ZNF487: variants seen among roughly 807,000 people sequenced by gnomAD.
ZNF487 encodes zinc finger protein 487, also known as KRAB domain only 1.
Under a neutral mutation model 3.0 loss-of-function variants are expected in ZNF487, and 4 were observed. The observed-to-expected ratio is 1.35, with a 90% confidence interval of 0.66 to 3.08. The LOEUF (loss-of-function observed/expected upper bound fraction) is 3.08. Ranked by LOEUF, ZNF487 falls within the 30% of genes most tolerant of loss-of-function variation. The pLI is 0.01. For missense variants in ZNF487, 146 were observed against 98.7 expected, an observed-to-expected ratio of 1.48 and a Z score of -2.03; for synonymous variants, 55 against 34.6, an observed-to-expected ratio of 1.59 and a Z score of -2.06.
chr10:43,460,697 C>T (rs1479776307), intron 1 of ZNF487, among the ~76,000 whole-genome samples: 3 of 141,624 alleles, frequency 2.1e-5, no homozygotes, highest in Non-Finnish European at 4.7e-5. Flanking sequence ...TCTTAAAAGT[C>T]TTTTTTTTTT....
At chr10:43,455,491 C>T (rs938898217) in intron 1 of ZNF487, among the ~76,000 whole-genome samples, 5 of 152,262 alleles carry the variant, frequency 3.3e-5, no homozygotes, top group Non-Finnish European at 7.3e-5. Flanking sequence ...GCCGTGCAGG[C>T]GTCCTTTGCG....
the ZNF487 span, among the ~76,000 whole-genome samples, chr10:43,517,917 G>A: frequency 2.0e-5 from 3 of 152,170 alleles, no homozygotes; most frequent in Non-Finnish European, 4.4e-5. Flanking sequence ...ACATGCTGGA[G>A]CTCGGTGGAA....
At chr10:43,443,071 T>TC (rs1003333768) in intron 1 of ZNF487, among the ~76,000 whole-genome samples, 1 of 150,026 alleles carries the variant, frequency 6.7e-6, no homozygotes, top group Non-Finnish European at 1.5e-5. Flanking sequence ...CTTTTTTTTT[T>TC]TTTTTTTTGA....
intron 1 of ZNF487, among the ~76,000 whole-genome samples, chr10:43,473,033 G>A (rs1321880832): frequency 1.1e-4 from 13 of 121,458 alleles, no homozygotes; most frequent in South Asian, 5.7e-4. Context: ...GTGACAAAGC[G>A]AGACTCTGTC....
chr10:43,462,957 A>G (rs1446694556), intron 1 of ZNF487, among the ~76,000 whole-genome samples: 1 of 149,560 alleles, frequency 6.7e-6, no homozygotes, highest in East Asian at 2.1e-4. Context: ...TTTTTTGGCC[A>G]GGTGCGGTGG....
chr10:43,484,556 G>A (rs1025894097), downstream of ZNF487, among the ~76,000 whole-genome samples: 5 of 152,192 alleles, frequency 3.3e-5, no homozygotes, highest in Non-Finnish European at 1.5e-5. Flanking sequence ...GCAGTGAGCC[G>A]AGATCATGCC....
intron 1 of ZNF487, among the ~76,000 whole-genome samples, chr10:43,448,370 C>T (rs923858093): frequency 2.6e-5 from 4 of 151,926 alleles, no homozygotes; most frequent in Admixed American, 6.6e-5. Flanking sequence ...TTACTCAATT[C>T]GTCTTGCGCT....
downstream of ZNF487, among the ~76,000 whole-genome samples, chr10:43,485,289 G>A (rs1328951110): frequency 6.6e-6 from 1 of 152,178 alleles, no homozygotes; most frequent in Non-Finnish European, 1.5e-5. Flanking sequence ...CAGACTGATA[G>A]CATGATTTAA....
chr10:43,480,708 G>A (rs375340641), intron 3 of ZNF487, among the ~76,000 whole-genome samples: 2 of 150,666 alleles, frequency 1.3e-5, no homozygotes, highest in East Asian at 1.9e-4. Context: ...GAGCCACTGC[G>A]CCCACCTCTC....
At chr10:43,507,920 G>A in the ZNF487 span, among the ~76,000 whole-genome samples, 666 of 152,308 alleles carry the variant, frequency 4.4e-3, 3 homozygotes, top group Non-Finnish European at 7.1e-3. Flanking sequence ...ATATTGTTTG[G>A]CAATTTATAT....
chr10:43,442,797 G>T (rs947931975), intron 1 of ZNF487, among the ~76,000 whole-genome samples: 1 of 152,096 alleles, frequency 6.6e-6, no homozygotes, highest in South Asian at 2.1e-4. Context: ...TGTGTTCAGC[G>T]TACAAGTCTG....
the ZNF487 span, among the ~76,000 whole-genome samples, chr10:43,506,001 A>C: frequency 6.6e-6 from 1 of 152,234 alleles, no homozygotes; most frequent in African/African-American, 2.4e-5. Context: ...AAATGCATGA[A>C]TACTGACTTT....
At chr10:43,522,436 C>A in the ZNF487 span, among the ~76,000 whole-genome samples, 1 of 152,012 alleles carries the variant, frequency 6.6e-6, no homozygotes, top group Non-Finnish European at 1.5e-5. Context: ...AGAGATAGAG[C>A]AACACCTGCT....
chr10:43,447,893 A>G (rs528962811), intron 1 of ZNF487, among the ~76,000 whole-genome samples: 1 of 151,770 alleles, frequency 6.6e-6, no homozygotes, highest in Non-Finnish European at 1.5e-5. Context: ...TACTCAAGTC[A>G]GTTAGCTGGG....
At chr10:43,504,311 T>TG in the ZNF487 span, among the ~76,000 whole-genome samples, 1 of 146,946 alleles carries the variant, frequency 6.8e-6, no homozygotes, top group Non-Finnish European at 1.5e-5. Flanking sequence ...TTTTTTTTTT[T>TG]GAGGCGGAGT....
At chr10:43,493,710 ATATATATATATATAT>A in the ZNF487 span, among the ~76,000 whole-genome samples, 421 of 24,816 alleles carry the variant, frequency 0.017, 26 homozygotes, top group African/African-American at 0.036. Context: ...AAAAAAAAAA[ATATATATATATATAT>A]ATATATATAT....
At chr10:43,514,209 C>T in the ZNF487 span, among the ~76,000 whole-genome samples, 866 of 152,102 alleles carry the variant, frequency 5.7e-3, 2 homozygotes, top group Middle Eastern at 0.027. Flanking sequence ...GGTGTGATCT[C>T]GACTCACTGC....
chr10:43,442,283 G>T (rs548752192), intron 1 of ZNF487, among the ~76,000 whole-genome samples: 2 of 136,952 alleles, frequency 1.5e-5, no homozygotes, highest in African/African-American at 5.9e-5. Flanking sequence ...AAAAAACAAA[G>T]AAAAAAACTC....
At chr10:43,503,288 A>G in the ZNF487 span, among the ~76,000 whole-genome samples, 2 of 152,204 alleles carry the variant, frequency 1.3e-5, no homozygotes, top group African/African-American at 4.8e-5. Flanking sequence ...AAACAAATAG[A>G]TATATAGATA....
Sources: allele counts gnomAD v4.1 joint callset (sites outside exome capture counted in the v4.1 genomes callset), GRCh38; gene constraint gnomAD v4.1.1; transcripts MANE v1.5; gene names NCBI Gene and HGNC (gene_info 2026-07-23, HGNC 2026-07-21).